CCDC7: variants seen among roughly 807,000 people sequenced by gnomAD.
CCDC7 encodes the protein coiled-coil domain containing 7.
In CCDC7, 183 loss-of-function variants were observed where a neutral mutation model predicts 196.9. That is an observed-to-expected ratio of 0.93 (90% CI 0.82 to 1.05). CCDC7 has a LOEUF of 1.05. Among genes scored for constraint, CCDC7 ranks in the 50% least tolerant of loss-of-function variants. The pLI is 0.00. For synonymous variants in CCDC7, 525 were observed against 484.6 expected, an observed-to-expected ratio of 1.08 and a Z score of -1.10; for missense variants, 1,540 against 1,482.2, an observed-to-expected ratio of 1.04 and a Z score of -0.64.
At chr10:32,748,004 C>T (rs944076192) in intron 28 of CCDC7, among the ~76,000 whole-genome samples, 4 of 152,272 alleles carry the variant, frequency 2.6e-5, no homozygotes, top group South Asian at 4.2e-4. Context: ...AAATGTGGTA[C>T]ATATATATCA....
At chr10:32,632,390 G>A (rs560833438) in intron 18 of CCDC7, among the ~76,000 whole-genome samples, 2 of 151,316 alleles carry the variant, frequency 1.3e-5, no homozygotes, top group Non-Finnish European at 2.9e-5. Context: ...TTAGTATATC[G>A]ATTTTCAGTT....
At chr10:32,761,781 C>T (rs11598582) in intron 28 of CCDC7, among the ~76,000 whole-genome samples, 29,985 of 151,868 alleles carry the variant, frequency 0.2, 4,698 homozygotes, top group African/African-American at 0.44. Flanking sequence ...ATCCTAAAAA[C>T]TGGAATGAGG....
At chr10:32,616,452 C>T (rs2062778699) in intron 18 of CCDC7, among the ~76,000 whole-genome samples, 1 of 151,498 alleles carries the variant, frequency 6.6e-6, no homozygotes, top group Non-Finnish European at 1.5e-5. Context: ...TGATTTGGTC[C>T]TTGACTAAGT....
intron 25 of CCDC7, among the ~76,000 whole-genome samples, chr10:32,719,941 C>G (rs770539119): frequency 2.6e-5 from 4 of 152,160 alleles, no homozygotes; most frequent in Non-Finnish European, 5.9e-5. Context: ...TTAGTTCAAC[C>G]ATTGTGGAAG....
At chr10:32,666,176 T>C (rs1440657207) in intron 21 of CCDC7, among the ~76,000 whole-genome samples, 1 of 151,142 alleles carries the variant, frequency 6.6e-6, no homozygotes, top group Non-Finnish European at 1.5e-5. Flanking sequence ...TTAGTCCTTG[T>C]GGTAGTCCTT....
chr10:32,666,249 A>G (rs2072679025), intron 21 of CCDC7, among the ~76,000 whole-genome samples: 1 of 151,790 alleles, frequency 6.6e-6, no homozygotes, highest in Non-Finnish European at 1.5e-5. Flanking sequence ...AAGAGAAGGT[A>G]GATTACAAAG....
chr10:32,515,998 C>A (rs1198273581), intron 9 of CCDC7, among the ~76,000 whole-genome samples: 1 of 151,276 alleles, frequency 6.6e-6, no homozygotes, highest in East Asian at 2.0e-4. Context: ...GTACAATCAA[C>A]AAAAGAAAAA....
At chr10:32,460,739 T>C (rs1483083684) in intron 3 of CCDC7, among the ~76,000 whole-genome samples, 1 of 152,212 alleles carries the variant, frequency 6.6e-6, no homozygotes, top group Non-Finnish European at 1.5e-5. Context: ...TATGCTTTCT[T>C]ATTTAGCTTA....
chr10:32,593,163 C>G (rs959435807), intron 18 of CCDC7, among the ~76,000 whole-genome samples: 1 of 152,206 alleles, frequency 6.6e-6, no homozygotes, highest in Non-Finnish European at 1.5e-5. Flanking sequence ...ACAGTCCCAC[C>G]AACAGTGTAA....
chr10:32,523,140 C>T (rs11008957), intron 11 of CCDC7, among the ~76,000 whole-genome samples: 38,191 of 152,060 alleles, frequency 0.25, 5,379 homozygotes, highest in South Asian at 0.44. Flanking sequence ...ATTCTGCAAC[C>T]GTTGGATGAA....
At chr10:32,831,279 G>T (rs995434799) in intron 32 of CCDC7, among the ~76,000 whole-genome samples, 4 of 151,684 alleles carry the variant, frequency 2.6e-5, no homozygotes, top group African/African-American at 9.7e-5. Flanking sequence ...CATGAGTAGA[G>T]CTTGCAAGAC....
chr10:32,710,679 C>T lies in CCDC7; in HGVS notation c.2459-941C>T, dbSNP rs145417054. On this transcript the variant is annotated intron_variant, in intron 24 of 41. Transcript: ENST00000639629. The stretch of plus-strand genomic sequence containing the variant: ...GGACAGTCAGACTCTTGCAAATGAT[C>T]CACTAGTATCCCCCAAGAGGTCTCA... Among the ~76,000 whole-genome samples the T allele has an allele frequency of 2.9e-3, 435 of 152,274 alleles. 2 individuals are homozygous for T. Among genetic ancestry groups the T allele is most frequent in the Non-Finnish European group, 5.0e-3 (340 of 68,002 alleles).
chr10:32,826,594 T>C (rs1452085873), intron 32 of CCDC7, among the ~76,000 whole-genome samples: 1 of 152,216 alleles, frequency 6.6e-6, no homozygotes, highest in African/African-American at 2.4e-5. Context: ...CAAATGCCCG[T>C]GGTCCCCACT....
At chr10:32,836,323 TA>T (rs1312807963) in intron 33 of CCDC7, among the ~76,000 whole-genome samples, 1 of 152,098 alleles carries the variant, frequency 6.6e-6, no homozygotes, top group East Asian at 1.9e-4. Flanking sequence ...AAGAAATCAC[TA>T]AAAAGCAAAC....
At chr10:32,530,460 A>C (rs2049458806) in intron 11 of CCDC7, among the ~76,000 whole-genome samples, 2 of 152,240 alleles carry the variant, frequency 1.3e-5, no homozygotes, top group African/African-American at 4.8e-5. Flanking sequence ...CTTTTGTCCA[A>C]GGAATGGAAC....
chr10:32,536,562 G>A (rs186460285), intron 11 of CCDC7, among the ~76,000 whole-genome samples: 3 of 152,218 alleles, frequency 2.0e-5, no homozygotes. Context: ...TTGTTATATA[G>A]GTAAACTGCA....
chr10:32,715,896 A>G (rs1367541963), intron 25 of CCDC7, among the ~76,000 whole-genome samples: 1 of 152,218 alleles, frequency 6.6e-6, no homozygotes, highest in Non-Finnish European at 1.5e-5. Context: ...GATATATGGG[A>G]CTATGTGAAA....
intron 24 of CCDC7, among the ~76,000 whole-genome samples, chr10:32,696,299 T>C (rs1331655489): frequency 3.9e-5 from 6 of 152,050 alleles, no homozygotes; most frequent in African/African-American, 1.4e-4. Flanking sequence ...CAGAGAACCT[T>C]ATCTATTTCC....
chr10:32,697,276 G>C (rs900522268), intron 24 of CCDC7, among the ~76,000 whole-genome samples: 3 of 152,174 alleles, frequency 2.0e-5, no homozygotes, highest in African/African-American at 7.2e-5. Flanking sequence ...CAGAAGATGA[G>C]TGATTTCTGC....
Sources: gnomAD v4.1 joint callset for allele counts (sites outside exome capture counted in the v4.1 genomes callset) on GRCh38, gnomAD v4.1.1 for gene constraint, MANE v1.5 for transcripts, NCBI Gene and HGNC (gene_info 2026-07-23, HGNC 2026-07-21) for gene names.